The following ACTN1 variants were observed in gnomAD, a reference collection of about 807,000 sequenced individuals.
ACTN1 encodes actinin alpha 1, also known as alpha-actinin-1.
A neutral mutation model predicts 119.6 loss-of-function variants in ACTN1; 30 were observed. The ratio of observed to expected loss-of-function variants is 0.25; its 90% CI spans 0.19 to 0.34. The LOEUF (loss-of-function observed/expected upper bound fraction) is 0.34, where lower values mean the gene tolerates loss of function less well. ACTN1 is among the 10% of genes least tolerant of loss of function. The pLI, the probability that ACTN1 is intolerant of heterozygous loss-of-function variation, is 1.00. For synonymous variants in ACTN1, 429 were observed against 472.6 expected, an observed-to-expected ratio of 0.91 and a Z score of 1.20; for missense variants, 764 against 1,223.4, an observed-to-expected ratio of 0.62 and a Z score of 5.60.
At chr14:68,963,548 C>T (rs1179364189) in intron 1 of ACTN1, among the ~76,000 whole-genome samples, 1 of 152,226 alleles carries the variant, frequency 6.6e-6, no homozygotes, top group Non-Finnish European at 1.5e-5. Flanking sequence ...GTTTGAGAAT[C>T]TCACGTATCC....
chr14:68,881,755 C>A (rs1210663800), intron 16 of ACTN1, among the ~76,000 whole-genome samples: 1 of 151,944 alleles, frequency 6.6e-6, no homozygotes, highest in African/African-American at 2.4e-5. Context: ...GAAAAAAATT[C>A]TATGCTCTAC....
At chr14:68,929,706 C>G (rs1397654302) in intron 1 of ACTN1, among the ~76,000 whole-genome samples, 1 of 152,236 alleles carries the variant, frequency 6.6e-6, no homozygotes, top group Non-Finnish European at 1.5e-5. Flanking sequence ...GCCTGTTCCC[C>G]TCTCAGCAGC....
Position 68,940,349 on chromosome 14 carries a change from C to G in ACTN1, c.106-14677G>C, listed in dbSNP as rs79503576. On this transcript the variant is annotated intron_variant, in intron 1 of 21. Transcript: ENST00000394419. ...CAGGGATTTGGCCCAGCCTGCTACT[C>G]ATACAATATGGGAACCCGGGGTCTG... 1.9e-3 allele frequency among the ~76,000 whole-genome samples: 287 copies of G among 152,282 alleles called. 11 individuals carry two copies. In the East Asian group the frequency reaches 0.05, roughly 26 times the overall value.
At chr14:68,901,757 C>T (rs1044817403) in intron 8 of ACTN1, among the ~76,000 whole-genome samples, 1 of 152,214 alleles carries the variant, frequency 6.6e-6, no homozygotes. Flanking sequence ...GCCCTTTAGT[C>T]GTGGAACCCC....
intron 1 of ACTN1, among the ~76,000 whole-genome samples, chr14:68,961,964 A>T (rs1451034230): frequency 6.6e-6 from 1 of 152,142 alleles, no homozygotes; most frequent in Non-Finnish European, 1.5e-5. Flanking sequence ...ACACCCTGAA[A>T]GCTTGCCCTC....
At chr14:68,955,032 C>A (rs1017576897) in intron 1 of ACTN1, among the ~76,000 whole-genome samples, 25 of 152,152 alleles carry the variant, frequency 1.6e-4, no homozygotes, top group Non-Finnish European at 3.2e-4. Context: ...TGTAACAGCT[C>A]CCCTGGCAGC....
intron 1 of ACTN1, among the ~76,000 whole-genome samples, chr14:68,952,676 G>A (rs544406162): frequency 1.5e-4 from 23 of 150,988 alleles, no homozygotes; most frequent in Admixed American, 8.6e-4. Flanking sequence ...AACCAGATGC[G>A]GTAGGGACTT....
intron 1 of ACTN1, among the ~76,000 whole-genome samples, chr14:68,938,905 T>C (rs895539696): frequency 6.7e-6 from 1 of 149,642 alleles, no homozygotes; most frequent in African/African-American, 2.5e-5. Context: ...GAGGAGGAGA[T>C]GGGGAGGGGG....
chr14:68,899,395 C>T (rs2033146045), intron 8 of ACTN1, among the ~76,000 whole-genome samples: 1 of 147,244 alleles, frequency 6.8e-6, no homozygotes, highest in Admixed American at 6.7e-5. Flanking sequence ...ATACACACAC[C>T]TCACACACTA....
rs752982396 is a variant in ACTN1 at position 68,925,719 on chromosome 14, A to C, written c.106-47T>G. The C allele has an allele frequency of 2.0e-6, 3 of 1,505,988 alleles. No individual in the cohort carries two copies. Among genetic ancestry groups the C allele is most frequent in the East Asian group, 2.3e-5 (1 of 43,254 alleles). 93.3% of individuals were successfully genotyped at this position (1,505,988 alleles called of 1,614,324 possible). Reference sequence around the variant, plus strand: ...AAGTGGTCAGGGGGCTGGTGTTGTCACCCTCATTGGACAAGCCATTTAATG... The same window carrying C: ...AAGTGGTCAGGGGGCTGGTGTTGTCCCCCTCATTGGACAAGCCATTTAATG... On this transcript the variant is annotated intron_variant, in intron 1 of 21. Coordinates refer to ENST00000394419, the MANE Select transcript of ACTN1 (RefSeq NM_001130004.2). This position sits in a 1 kb window ranked among gnomAD's most constrained non-coding sequence, Gnocchi z 4.3.
At chr14:68,907,578 A>G (rs1422095056) in intron 6 of ACTN1, among the ~76,000 whole-genome samples, 1 of 152,126 alleles carries the variant, frequency 6.6e-6, no homozygotes, top group African/African-American at 2.4e-5. Flanking sequence ...AAACAAAACA[A>G]AAACAAAAAC....
intron 14 of ACTN1, chr14:68,883,277 C>T (rs1195006482): frequency 7.1e-6 from 4 of 560,990 alleles, no homozygotes; most frequent in Non-Finnish European, 1.3e-5. Context: ...AAATTAGCAG[C>T]AACCTCTCTG....
intron 11 of ACTN1, among the ~76,000 whole-genome samples, chr14:68,888,908 C>A (rs1247476260): frequency 6.6e-6 from 1 of 152,148 alleles, no homozygotes; most frequent in African/African-American, 2.4e-5. Flanking sequence ...TCCCCGGTAC[C>A]AACAAGGCTG....
At chr14:68,875,505 G>A (rs2030794635) in intron 21 of ACTN1, among the ~76,000 whole-genome samples, 1 of 152,264 alleles carries the variant, frequency 6.6e-6, no homozygotes, top group Admixed American at 6.5e-5. Flanking sequence ...AATATGGCCA[G>A]GCTATGTTAA....
intron 3 of ACTN1, among the ~76,000 whole-genome samples, chr14:68,913,368 C>A (rs1281722392): frequency 6.6e-6 from 1 of 152,188 alleles, no homozygotes; most frequent in Non-Finnish European, 1.5e-5. Context: ...AAGACACGCT[C>A]AGTTAAGAGT....
intron 1 of ACTN1, among the ~76,000 whole-genome samples, chr14:68,931,996 A>G: frequency 6.6e-6 from 1 of 151,690 alleles, no homozygotes; most frequent in East Asian, 1.9e-4. Context: ...GTTGGTTTAG[A>G]GGATTTTTTT....
At chr14:68,945,170 A>AC (rs572752664) in intron 1 of ACTN1, among the ~76,000 whole-genome samples, 2 of 151,572 alleles carry the variant, frequency 1.3e-5, no homozygotes, top group South Asian at 4.2e-4. Flanking sequence ...GTTCAAAAAA[A>AC]AAAAAAAGAA....
Position 68,909,333 on chromosome 14 carries a change from G to T in ACTN1, c.579C>A (p.Tyr193Ter). ...GCACACATACCTTCCGCAGCTTCCC[G>T]TAGTCAATCAGCTCGGGCCGGTGTC... The part of the protein sequence containing the change: ...IHRHRPELID[Y>*]GKLRKDDPLT... The change falls in exon 6 of 22, where the codon TAC becomes TAA. Residue 193 changes from tyrosine (Y) to a stop codon, truncating the protein, a stop_gained. Transcript: ENST00000394419. LOFTEE classifies it high-confidence loss of function. This position sits in a 1 kb window ranked among gnomAD's most constrained non-coding sequence, Gnocchi z 4.1. 1 of 1,613,986 alleles carries T rather than the reference G, an allele frequency of 6.2e-7. No individual in the cohort carries two copies.
intron 1 of ACTN1, among the ~76,000 whole-genome samples, chr14:68,929,942 G>A (rs142526847): frequency 9.5e-4 from 145 of 152,356 alleles, no homozygotes; most frequent in African/African-American, 3.3e-3. Context: ...CAACAGAGGG[G>A]CCCCAGCCCA....
Sources: allele counts gnomAD v4.1 joint callset (sites outside exome capture counted in the v4.1 genomes callset), GRCh38; gene constraint gnomAD v4.1.1; non-coding constraint Gnocchi (gnomAD v3.1); transcripts MANE v1.5; gene names NCBI Gene and HGNC (gene_info 2026-07-23, HGNC 2026-07-21).